GABRA3: variants seen among roughly 807,000 people sequenced by gnomAD.
GABRA3 encodes the protein gamma-aminobutyric acid type A receptor subunit alpha3, also known as gamma-aminobutyric acid receptor subunit alpha-3.
A neutral mutation model predicts 30.1 loss-of-function variants in GABRA3; 10 were observed. The observed-to-expected ratio is 0.33, with a 90% CI of 0.20 to 0.56. The LOEUF (loss-of-function observed/expected upper bound fraction) is 0.56, where lower values mean the gene tolerates loss of function less well. Among genes scored for constraint, GABRA3 ranks in the 20% least tolerant of loss-of-function variants. The probability of loss-of-function intolerance (pLI) is 0.89; values close to 1 mark genes in which losing one functional copy is unlikely to be tolerated. For synonymous variants in GABRA3, 151 were observed against 146.8 expected, an observed-to-expected ratio of 1.03 and a Z score of -0.21; for missense variants, 233 against 392.0, an observed-to-expected ratio of 0.59 and a Z score of 3.42.
chrX:152,396,258 A>T (rs1227089038), intron 1 of GABRA3, among the ~76,000 whole-genome samples: 1 of 111,963 alleles, frequency 8.9e-6, no homozygotes, highest in Non-Finnish European at 1.9e-5. Context: ...AAATGCAAGG[A>T]TGACTCCTTT....
At chrX:152,338,375 G>A (rs947998359) in intron 3 of GABRA3, among the ~76,000 whole-genome samples, 2 of 111,699 alleles carry the variant, frequency 1.8e-5, no homozygotes, top group African/African-American at 3.3e-5. Flanking sequence ...TTTTTAAATT[G>A]GATTATTTAT....
At chrX:152,181,223 T>C (rs1009274338) in intron 9 of GABRA3, among the ~76,000 whole-genome samples, 3 of 111,876 alleles carry the variant, frequency 2.7e-5, no homozygotes, top group Non-Finnish European at 5.6e-5. Flanking sequence ...TGGTATTTTA[T>C]AGGTTTAGTG....
At chrX:152,287,631 G>A (rs1939321628) in intron 3 of GABRA3, among the ~76,000 whole-genome samples, 1 of 111,351 alleles carries the variant, frequency 9.0e-6, no homozygotes, top group East Asian at 2.8e-4. Flanking sequence ...AGCAGCGTAA[G>A]AACGGATGAA....
chrX:152,175,942 T>C (rs1334275527), intron 9 of GABRA3, among the ~76,000 whole-genome samples: 2 of 109,760 alleles, frequency 1.8e-5, no homozygotes, highest in Non-Finnish European at 3.8e-5. Flanking sequence ...TACACGCCTG[T>C]AGTCCCAGCT....
At chrX:152,230,704 T>A (rs183883087) in intron 5 of GABRA3, among the ~76,000 whole-genome samples, 12 of 111,166 alleles carry the variant, frequency 1.1e-4, no homozygotes, top group Non-Finnish European at 2.1e-4. Flanking sequence ...AGCAATTCAG[T>A]GGAGACAAAA....
chrX:152,409,598 T>C lies in GABRA3; in HGVS notation c.-27+41548A>G, dbSNP rs182445487. ...AGGCCACTTGTAGAATAGAAGAAAA[T>C]ATCTGCAAACTACCCATGTGAAAAG... is the stretch of plus-strand genomic sequence containing the variant. On this transcript the variant is annotated intron_variant, in intron 1 of 9. Transcript: ENST00000370314. 6.6e-3 allele frequency among the ~76,000 whole-genome samples: 734 copies of C among 110,901 alleles called. 10 individuals carry two copies. Among genetic ancestry groups the C allele is most frequent in the African/African-American group, 0.022 (686 of 30,520 alleles).
chrX:152,371,020 T>C (rs1176574791), intron 1 of GABRA3, among the ~76,000 whole-genome samples: 1 of 110,912 alleles, frequency 9.0e-6, no homozygotes. Flanking sequence ...CTGAATACAC[T>C]TGTATCTCTC....
At chrX:152,369,657 T>A (rs180824955) in intron 1 of GABRA3, among the ~76,000 whole-genome samples, 1 of 111,531 alleles carries the variant, frequency 9.0e-6, no homozygotes, top group Non-Finnish European at 1.9e-5. Flanking sequence ...CTGGCCACCC[T>A]ATCTAAAATT....
Position 152,289,120 on chromosome X carries a change from T to C in GABRA3, c.263-4385A>G, listed in dbSNP as rs756895210. ...TGCTGCTAATCTGAAAGAATAAAGATGAGCCGATCAACAAGTGATCACTGT... is the reference window on the plus strand; with the variant it reads ...TGCTGCTAATCTGAAAGAATAAAGACGAGCCGATCAACAAGTGATCACTGT... On this transcript the variant is annotated intron_variant, in intron 3 of 9. Coordinates refer to ENST00000370314, the MANE Select transcript of GABRA3 (RefSeq NM_000808.4). Among the ~76,000 whole-genome samples the C allele has an allele frequency of 2.8e-5, 3 of 109,059 alleles. No homozygotes were observed. The South Asian group carries it at 1.2e-3, about 44-fold the overall frequency. The allele number at this position is 109,059 out of a possible 115,157, so 94.7% of individuals were successfully genotyped here. A position where few individuals can be genotyped will look rare whatever the true frequency, so the allele number is the denominator to read the frequency against.
intron 4 of GABRA3, among the ~76,000 whole-genome samples, chrX:152,265,706 A>C (rs928468422): frequency 9.9e-5 from 11 of 111,621 alleles, no homozygotes; most frequent in Non-Finnish European, 5.7e-5. Flanking sequence ...TCAATGAAAA[A>C]CAGTAGGTTT....
intron 1 of GABRA3, among the ~76,000 whole-genome samples, chrX:152,422,928 A>G (rs1043396971): frequency 3.6e-5 from 4 of 111,722 alleles, no homozygotes; most frequent in Non-Finnish European, 7.5e-5. Flanking sequence ...ATGTCTATTT[A>G]GACATTCCAC....
intron 1 of GABRA3, among the ~76,000 whole-genome samples, chrX:152,377,708 C>T (rs1929032968): frequency 9.0e-6 from 1 of 111,387 alleles, no homozygotes; most frequent in African/African-American, 3.3e-5. Flanking sequence ...TACAGAGCTA[C>T]CAAACCATGT....
intron 4 of GABRA3, among the ~76,000 whole-genome samples, chrX:152,274,418 T>C (rs1230167982): frequency 9.0e-6 from 1 of 110,608 alleles, no homozygotes; most frequent in East Asian, 2.8e-4. Flanking sequence ...GACCACGTGC[T>C]AAGACATAGG....
rs191828828 is a variant in GABRA3, at chrX:152,431,835, G to A, written c.-27+19311C>T. ...AGGGACCAGGAGCAAAGGAATGCAG[G>A]AAGTCTCTAGAAGCCGGAAAAGTCA... is the stretch of plus-strand genomic sequence containing the variant. On this transcript the variant is annotated intron_variant, in intron 1 of 9. Coordinates refer to ENST00000370314, the MANE Select transcript of GABRA3 (RefSeq NM_000808.4). 2.7e-5 allele frequency among the ~76,000 whole-genome samples: 3 copies of A among 111,441 alleles called. No homozygotes were observed. The Admixed American group carries it at 2.9e-4, about 11-fold the overall frequency.
chrX:152,294,317 G>A (rs898722736), intron 3 of GABRA3, among the ~76,000 whole-genome samples: 2 of 111,110 alleles, frequency 1.8e-5, no homozygotes, highest in Non-Finnish European at 3.8e-5. Flanking sequence ...TGGAGGCTCC[G>A]TTTGTTTCTT....
chrX:152,273,110 TG>T (rs747629778), intron 4 of GABRA3, among the ~76,000 whole-genome samples: 1 of 111,903 alleles, frequency 8.9e-6, no homozygotes, highest in East Asian at 2.8e-4. Context: ...TAAATAATCC[TG>T]TTTTAAAATG....
chrX:152,274,323 A>C (rs370373106), intron 4 of GABRA3, among the ~76,000 whole-genome samples: 4 of 111,258 alleles, frequency 3.6e-5, no homozygotes, highest in East Asian at 5.7e-4. Flanking sequence ...ATGAGCTAAT[A>C]AACACTCATA....
intron 4 of GABRA3, among the ~76,000 whole-genome samples, chrX:152,270,980 A>G (rs1161146158): frequency 1.0e-5 from 1 of 96,676 alleles, no homozygotes; most frequent in Non-Finnish European, 2.0e-5. Flanking sequence ...TTTTTTTTTG[A>G]GAGAAAGCCT....
intron 2 of GABRA3, among the ~76,000 whole-genome samples, chrX:152,351,375 A>C (rs986987556): frequency 4.5e-5 from 5 of 112,212 alleles, no homozygotes; most frequent in African/African-American, 1.6e-4. Flanking sequence ...CAGCTCCTCC[A>C]TCAGCACTTG....
Sources: allele counts gnomAD v4.1 joint callset (sites outside exome capture counted in the v4.1 genomes callset), GRCh38; gene constraint gnomAD v4.1.1; transcripts MANE v1.5; gene names NCBI Gene and HGNC (gene_info 2026-07-23, HGNC 2026-07-21).